ST8SIA1: variants seen among roughly 807,000 people sequenced by gnomAD.
The protein encoded by ST8SIA1 is alpha-N-acetylneuraminide alpha-2,8-sialyltransferase.
A neutral mutation model predicts 35.9 loss-of-function variants in ST8SIA1; 16 were observed. That is an observed-to-expected ratio of 0.45 (90% confidence interval 0.30 to 0.68). The LOEUF (loss-of-function observed/expected upper bound fraction) is 0.68, where lower values mean the gene tolerates loss of function less well. Among genes scored for constraint, ST8SIA1 ranks in the 30% least tolerant of loss-of-function variants. The pLI is 0.09. For missense variants in ST8SIA1, 383 were observed against 453.6 expected, an observed-to-expected ratio of 0.84 and a Z score of 1.41; for synonymous variants, 170 against 169.6, an observed-to-expected ratio of 1.00 and a Z score of -0.02.
intron 4 of ST8SIA1, among the ~76,000 whole-genome samples, chr12:22,234,889 C>G (rs73081065): frequency 0.034 from 5,122 of 152,300 alleles, 104 homozygotes; most frequent in African/African-American, 0.041. Flanking sequence ...ATGTGGGTAG[C>G]ACTTCCTTTT....
rs540881270 is a variant in ST8SIA1 at position 22,322,286 on chromosome 12, C to T, written c.236+11711G>A. ...GCTGCTCCTTTCCCATTGTGTGCTG[C>T]GTGCTTGTTTGCTGTATGGGGGAAG... On this transcript the variant is annotated intron_variant, in intron 1 of 4. Transcript: ENST00000396037. 3.3e-5 allele frequency among the ~76,000 whole-genome samples: 5 copies of T among 152,304 alleles called. No individual in the cohort carries two copies. The South Asian group carries it at 6.2e-4, about 19-fold the overall frequency.
intron 2 of ST8SIA1, among the ~76,000 whole-genome samples, chr12:22,257,614 C>A (rs902202141): frequency 1.3e-5 from 2 of 151,836 alleles, no homozygotes; most frequent in African/African-American, 2.4e-5. Flanking sequence ...CCTCACAGAT[C>A]TCTGCGGGAA....
chr12:22,200,937 T>G lies in ST8SIA1; in HGVS notation c.*615A>C, dbSNP rs1159999182. ...ACAAAAGAGGAAGAAGCAATTCTTA[T>G]GTAAAATTTTAAAAATAGAGGGGAG... is the stretch of plus-strand genomic sequence containing the variant. On this transcript the variant is annotated 3_prime_UTR_variant, in exon 5 of 5. Transcript: ENST00000396037. 1 of 152,156 alleles carries G rather than the reference T, an allele frequency of 6.6e-6. No individual in the cohort carries two copies. Among genetic ancestry groups the G allele is most frequent in the Non-Finnish European group, 1.5e-5 (1 of 68,040 alleles). The allele number at this position is 152,156 out of a possible 1,614,324, so 9.4% of individuals were successfully genotyped here. A position where few individuals can be genotyped will look rare whatever the true frequency, so the allele number is the denominator to read the frequency against.
At chr12:22,279,951 C>A (rs1057193428) in intron 2 of ST8SIA1, among the ~76,000 whole-genome samples, 11 of 152,136 alleles carry the variant, frequency 7.2e-5, no homozygotes, top group African/African-American at 2.4e-4. Context: ...GTTTGGCCAT[C>A]AATGGAAGGA....
At chr12:22,263,672 CT>C (rs1591838461) in intron 2 of ST8SIA1, among the ~76,000 whole-genome samples, 2 of 152,080 alleles carry the variant, frequency 1.3e-5, no homozygotes, top group African/African-American at 4.8e-5. Flanking sequence ...TTTATTTGCC[CT>C]AGTAATCCCC....
chr12:22,261,614 A>G (rs1865792930), intron 2 of ST8SIA1, among the ~76,000 whole-genome samples: 1 of 152,194 alleles, frequency 6.6e-6, no homozygotes, highest in Admixed American at 6.5e-5. Flanking sequence ...GGAGCATCTA[A>G]TCCATTCTCA....
intron 1 of ST8SIA1, among the ~76,000 whole-genome samples, chr12:22,306,631 G>T (rs947965900): frequency 6.6e-6 from 1 of 152,076 alleles, no homozygotes; most frequent in Non-Finnish European, 1.5e-5. Flanking sequence ...TTCTTTAAAT[G>T]TTTGTAAGAT....
chr12:22,265,189 C>G (rs1279916937), intron 2 of ST8SIA1, among the ~76,000 whole-genome samples: 3 of 152,142 alleles, frequency 2.0e-5, no homozygotes, highest in Admixed American at 6.5e-5. Flanking sequence ...AGAGGTTGAC[C>G]ACATTTTAAA....
At chr12:22,303,896 T>C (rs1046728354) in intron 1 of ST8SIA1, among the ~76,000 whole-genome samples, 1 of 134,124 alleles carries the variant, frequency 7.5e-6, no homozygotes, top group Non-Finnish European at 1.6e-5. Flanking sequence ...ACAAAAGTGG[T>C]GTGGTACAGG....
chr12:22,313,842 CA>C (rs1177074054), intron 1 of ST8SIA1, among the ~76,000 whole-genome samples: 1 of 152,194 alleles, frequency 6.6e-6, no homozygotes, highest in Non-Finnish European at 1.5e-5. Context: ...CTGACACCAG[CA>C]GATATGTTCA....
chr12:22,273,897 C>T (rs1865940017), intron 2 of ST8SIA1, among the ~76,000 whole-genome samples: 1 of 152,154 alleles, frequency 6.6e-6, no homozygotes, highest in Admixed American at 6.5e-5. Context: ...GAGAAGGCAA[C>T]TTCAATCAAA....
chr12:22,231,636 C>G (rs905637946), intron 4 of ST8SIA1, among the ~76,000 whole-genome samples: 4 of 151,662 alleles, frequency 2.6e-5, no homozygotes, highest in African/African-American at 4.8e-5. Flanking sequence ...TGCAGTGGTG[C>G]GATCTTGGCT....
intron 4 of ST8SIA1, among the ~76,000 whole-genome samples, chr12:22,238,750 G>A (rs895698477): frequency 6.6e-6 from 1 of 152,092 alleles, no homozygotes; most frequent in African/African-American, 2.4e-5. Context: ...CAAATCATCT[G>A]CAAAAATAAT....
chr12:22,244,561 A>G (rs1865577537), intron 4 of ST8SIA1, among the ~76,000 whole-genome samples: 1 of 152,064 alleles, frequency 6.6e-6, no homozygotes, highest in African/African-American at 2.4e-5. Context: ...TACTCAAGCA[A>G]TTCTCCTGCC....
At chr12:22,304,334 C>CTTTTTT (rs3063802) in intron 1 of ST8SIA1, among the ~76,000 whole-genome samples, 234 of 105,940 alleles carry the variant, frequency 2.2e-3, no homozygotes, top group East Asian at 3.0e-3. Context: ...TTTTCTTTTT[C>CTTTTTT]TTTTTTTTTT....
intron 2 of ST8SIA1, among the ~76,000 whole-genome samples, chr12:22,258,320 C>A (rs1202584090): frequency 6.6e-6 from 1 of 151,896 alleles, no homozygotes; most frequent in African/African-American, 2.4e-5. Context: ...GTGGCAATAT[C>A]AAGTAGGGAA....
chr12:22,244,439 T>C (rs1006034512), intron 4 of ST8SIA1, among the ~76,000 whole-genome samples: 2 of 152,142 alleles, frequency 1.3e-5, no homozygotes, highest in Non-Finnish European at 1.5e-5. Flanking sequence ...CCTAGCCATA[T>C]TGTTAGTTGG....
Position 22,324,122 on chromosome 12 carries a change from A to G in ST8SIA1, c.236+9875T>C, listed in dbSNP as rs565461399. Among the ~76,000 whole-genome samples, 33 of 152,338 alleles carry G rather than the reference A, an allele frequency of 2.2e-4. No homozygotes were observed. In the East Asian group the frequency reaches 6.2e-3, roughly 28 times the overall value. ...AAATAGTAGATAAACTAAATTTCCA[A>G]CAAAGATCATTGGTTAAATACATTT... is the stretch of plus-strand genomic sequence containing the variant. On this transcript the variant is annotated intron_variant, in intron 1 of 4. Transcript: ENST00000396037.
chr12:22,245,954 A>G (rs1416535559), intron 4 of ST8SIA1, among the ~76,000 whole-genome samples: 1 of 152,174 alleles, frequency 6.6e-6, no homozygotes. Flanking sequence ...AGGGCATGGA[A>G]GCTCCATGTC....
Sources: gnomAD v4.1 joint callset for allele counts (sites outside exome capture counted in the v4.1 genomes callset) on GRCh38, gnomAD v4.1.1 for gene constraint, MANE v1.5 for transcripts, NCBI Gene and HGNC (gene_info 2026-07-23, HGNC 2026-07-21) for gene names.